The following WAC variants were observed in gnomAD, a reference collection of about 807,000 sequenced individuals.
WAC encodes WW domain containing adaptor with coiled-coil, also known as WW domain-containing adapter protein with coiled-coil.
WAC carries 11 observed loss-of-function variants against 79.6 expected under a neutral mutation model. The ratio of observed to expected loss-of-function variants is 0.14; its 90% CI spans 0.09 to 0.23. The LOEUF (loss-of-function observed/expected upper bound fraction) is 0.23. WAC is among the 10% of genes least tolerant of loss of function. WAC has a pLI of 1.00. For synonymous variants in WAC, 304 were observed against 276.9 expected (o/e 1.10, Z -0.97); for missense variants, 728 against 773.5 (o/e 0.94, Z 0.70).
At position 28,620,794 on chromosome 10, in the gene WAC, A is replaced by G. The variant is rs1214550467; in HGVS notation, c.*1188A>G. ...ACCCTGGTTTACCTGTCTTGCTATT[A>G]TGACATTTCATTTGGAAGGATGTTT... is the stretch of plus-strand genomic sequence containing the variant. On this transcript the variant is annotated 3_prime_UTR_variant, in exon 14 of 14. Coordinates refer to ENST00000354911, the MANE Select transcript of WAC (RefSeq NM_016628.5). 2 of 152,210 alleles carry G rather than the reference A, an allele frequency of 1.3e-5. No individual in the cohort carries two copies. Among genetic ancestry groups the G allele is most frequent in the Non-Finnish European group, 2.9e-5 (2 of 68,042 alleles). 9.4% of individuals were successfully genotyped at this position (152,210 alleles called of 1,614,324 possible).
At chr10:28,568,845 T>G (rs1589168359) in intron 3 of WAC, among the ~76,000 whole-genome samples, 1 of 152,314 alleles carries the variant, frequency 6.6e-6, no homozygotes, top group East Asian at 1.9e-4. Flanking sequence ...GTGCTGGGAT[T>G]ACAGGCATGA....
In WAC at chr10:28,608,293, G is replaced by T. The variant is rs1231583947; in HGVS notation, c.1027G>T (p.Val343Phe). Reference sequence around the variant, plus strand: ...TGCACCTCCAACATCTGCTTCAGCGGTCCCTGTTTCTCCTGTTCCACAGTC... The same window carrying T: ...TGCACCTCCAACATCTGCTTCAGCGTTCCCTGTTTCTCCTGTTCCACAGTC... ...TSAPPTSASA[V>F]PVSPVPQSPI... The change falls in exon 8 of 14, where the codon GTC (valine) becomes TTC (phenylalanine). Residue 343 changes from valine to phenylalanine, a missense_variant. Transcript: ENST00000354911. 6.2e-7 allele frequency: 1 copy of T among 1,614,030 alleles called. No homozygotes were observed. Among genetic ancestry groups the T allele is most frequent in the Non-Finnish European group, 8.5e-7 (1 of 1,180,040 alleles).
In WAC at chr10:28,538,820, T is replaced by G. The variant is rs114160450; in HGVS notation, c.274+3063T>G. On this transcript the variant is annotated intron_variant, in intron 3 of 13. Coordinates refer to ENST00000354911, the MANE Select transcript of WAC (RefSeq NM_016628.5). The stretch of plus-strand genomic sequence containing the variant: ...TGAGGTTAACAGTGAGCTGTGGTTG[T>G]GCCACCACACTCTAACCTGGGTTGA... Among the ~76,000 whole-genome samples the G allele has an allele frequency of 6.5e-3, 953 of 146,472 alleles. 11 individuals are homozygous for G. The highest frequency in any genetic ancestry group is 0.023 in the African/African-American group (918 of 39,608).
chr10:28,561,505 T>TTG (rs981434686), intron 3 of WAC, among the ~76,000 whole-genome samples: 2 of 152,194 alleles, frequency 1.3e-5, no homozygotes, highest in Admixed American at 1.3e-4. Flanking sequence ...ATGTTTTTTT[T>TTG]TTAAAGATGG....
chr10:28,593,511 T>C (rs1840202656), intron 6 of WAC, among the ~76,000 whole-genome samples: 1 of 152,164 alleles, frequency 6.6e-6, no homozygotes, highest in Non-Finnish European at 1.5e-5. Context: ...CTCATGCCTG[T>C]AATCCCAGCA....
At chr10:28,596,754 A>C (rs955142280) in intron 7 of WAC, among the ~76,000 whole-genome samples, 1 of 152,212 alleles carries the variant, frequency 6.6e-6, no homozygotes, top group Non-Finnish European at 1.5e-5. Context: ...TGTAGTAAAT[A>C]AATTGTCACA....
intron 3 of WAC, among the ~76,000 whole-genome samples, chr10:28,546,311 A>G (rs1012631903): frequency 9.9e-5 from 15 of 152,230 alleles, no homozygotes; most frequent in Admixed American, 2.0e-4. Context: ...ATATTTCTGC[A>G]TTTAATAATT....
At position 28,614,509 on chromosome 10, in the gene WAC, T is replaced by TGGG; in HGVS notation, c.1438-54_1438-52dup. ...TGTTTCAAGACGATTACCTAGATTT[T>TGGG]GGGGGGAGAGATGTGGATTAGATTT... On this transcript the variant is annotated intron_variant, in intron 10 of 13. Coordinates refer to ENST00000354911, the MANE Select transcript of WAC (RefSeq NM_016628.5). 4.5e-6 allele frequency: 6 copies of TGGG among 1,334,546 alleles called. 1 individual carries two copies. In the South Asian group the frequency reaches 7.2e-5, roughly 16 times the overall value. 82.7% of individuals were successfully genotyped at this position (1,334,546 alleles called of 1,614,324 possible).
At chr10:28,548,317 C>T (rs1386097140) in intron 3 of WAC, among the ~76,000 whole-genome samples, 1 of 152,116 alleles carries the variant, frequency 6.6e-6, no homozygotes, top group Non-Finnish European at 1.5e-5. Flanking sequence ...CTTCCACACT[C>T]TTTTTTTCTT....
intron 3 of WAC, among the ~76,000 whole-genome samples, chr10:28,544,096 TG>T (rs1436233326): frequency 3.3e-5 from 5 of 152,206 alleles, no homozygotes; most frequent in Admixed American, 6.5e-5. Context: ...TTGGCCAGGC[TG>T]GTCTTGAACT....
intron 3 of WAC, among the ~76,000 whole-genome samples, chr10:28,577,249 T>C (rs1410092299): frequency 6.6e-6 from 1 of 152,248 alleles, no homozygotes. Flanking sequence ...AAATTTTTTT[T>C]AGTCAAGGAT....
chr10:28,610,831 C>T lies in WAC; in HGVS notation c.1288+10C>T. 1 of 1,590,618 alleles carries T rather than the reference C, an allele frequency of 6.3e-7. No homozygotes were observed. Among genetic ancestry groups the T allele is most frequent in the Non-Finnish European group, 8.5e-7 (1 of 1,172,966 alleles). ...CAGCTCTCTACACAAGGTATTCTTA[C>T]TCATCTTAGATATCTCTAGAATGGC... On this transcript the variant is annotated intron_variant, in intron 9 of 13. Coordinates refer to ENST00000354911, the MANE Select transcript of WAC (RefSeq NM_016628.5).
chr10:28,611,150 T>C, intron 9 of WAC: 2 of 755,600 alleles, frequency 2.6e-6, no homozygotes, highest in Non-Finnish European at 3.8e-6. Context: ...CATATATCTT[T>C]GTGAAACATT....
intron 3 of WAC, among the ~76,000 whole-genome samples, chr10:28,539,242 A>G (rs1324584119): frequency 6.6e-6 from 1 of 152,194 alleles, no homozygotes; most frequent in Non-Finnish European, 1.5e-5. Context: ...TTCAGAAGTA[A>G]TGTATGAAAG....
intron 7 of WAC, among the ~76,000 whole-genome samples, chr10:28,607,366 T>C (rs1841010178): frequency 6.6e-6 from 1 of 152,190 alleles, no homozygotes; most frequent in Admixed American, 6.5e-5. Context: ...GGTTATGGAA[T>C]CTTCAGGATT....
intron 4 of WAC, among the ~76,000 whole-genome samples, chr10:28,588,064 G>A (rs951819975): frequency 6.6e-6 from 1 of 152,092 alleles, no homozygotes; most frequent in South Asian, 2.1e-4. Flanking sequence ...CTGACCTCTG[G>A]TGTCCTCTGT....
chr10:28,579,061 GACTTA>G lies in WAC; in HGVS notation c.275-4333_275-4329del, dbSNP rs575070095. Among the ~76,000 whole-genome samples the G allele has an allele frequency of 2.0e-3, 307 of 152,088 alleles. 2 individuals are homozygous for G. The highest frequency in any genetic ancestry group is 7.2e-3 in the African/African-American group (299 of 41,486). ...GCATCCTTTTCTTAGACTCCTTTAA[GACTTA>G]ACTTTATCAGTCCTAACTTTAATTT... On this transcript the variant is annotated intron_variant, in intron 3 of 13. Transcript: ENST00000354911.
chr10:28,609,538 A>C (rs1190520502), intron 8 of WAC, among the ~76,000 whole-genome samples: 1 of 152,138 alleles, frequency 6.6e-6, no homozygotes, highest in Non-Finnish European at 1.5e-5. Flanking sequence ...TTCTCTAACC[A>C]CGCAGTTCTC....
intron 12 of WAC, among the ~76,000 whole-genome samples, chr10:28,616,751 A>G (rs548838038): frequency 6.6e-6 from 1 of 152,334 alleles, no homozygotes; most frequent in South Asian, 2.1e-4. Context: ...TTTTCCACTC[A>G]GCTTCTCTGA....
Sources: allele counts gnomAD v4.1 joint callset (sites outside exome capture counted in the v4.1 genomes callset), GRCh38; gene constraint gnomAD v4.1.1; transcripts MANE v1.5; gene names NCBI Gene and HGNC (gene_info 2026-07-23, HGNC 2026-07-21).